The following OSBPL10 variants were observed in gnomAD, a reference collection of about 807,000 sequenced individuals.
OSBPL10 encodes the protein oxysterol binding protein like 10.
Under a neutral mutation model 81.7 loss-of-function variants are expected in OSBPL10, and 49 were observed. That is an observed-to-expected ratio of 0.60 (90% CI 0.48 to 0.76). OSBPL10 has a LOEUF of 0.76. Ranked by LOEUF, OSBPL10 falls within the 30% of genes least tolerant of loss-of-function variation. The pLI, the probability that OSBPL10 is intolerant of heterozygous loss-of-function variation, is 0.00. For synonymous variants in OSBPL10, 419 were observed against 383.6 expected (o/e 1.09, Z -1.08); for missense variants, 923 against 987.8 (o/e 0.93, Z 0.88).
intron 4 of OSBPL10, among the ~76,000 whole-genome samples, chr3:31,801,251 G>A (rs529603798): frequency 1.3e-5 from 2 of 152,120 alleles, no homozygotes; most frequent in African/African-American, 2.4e-5. Context: ...TCCATGATAT[G>A]GTGACATACT....
At chr3:31,965,216 A>G (rs1698284773) in intron 1 of OSBPL10, among the ~76,000 whole-genome samples, 1 of 150,602 alleles carries the variant, frequency 6.6e-6, no homozygotes, top group Admixed American at 6.7e-5. Context: ...AAAAATACAA[A>G]AAAATTAGCC....
chr3:31,740,557 T>C (rs1362668265), intron 5 of OSBPL10, among the ~76,000 whole-genome samples: 1 of 149,584 alleles, frequency 6.7e-6, no homozygotes, highest in Non-Finnish European at 1.5e-5. Flanking sequence ...AAGAAAAGAT[T>C]CAAAAAGTAT....
intron 6 of OSBPL10, among the ~76,000 whole-genome samples, chr3:31,727,751 A>G (rs753840105): frequency 4.6e-5 from 7 of 152,222 alleles, no homozygotes; most frequent in Non-Finnish European, 8.8e-5. Flanking sequence ...AACCTTGTTC[A>G]TCTCTAAAAA....
chr3:31,908,238 T>G (rs941554327), intron 1 of OSBPL10, among the ~76,000 whole-genome samples: 8 of 152,008 alleles, frequency 5.3e-5, no homozygotes, highest in African/African-American at 1.7e-4. Flanking sequence ...TGATAGGGAC[T>G]GGGGGGTTGA....
At chr3:31,981,340 G>T, upstream of OSBPL10, 1 of 1,210,408 alleles carries the variant, frequency 8.3e-7, no homozygotes, top group South Asian at 3.2e-5. This position sits in a 1 kb window ranked among gnomAD's most constrained non-coding sequence, Gnocchi z 4.5. Flanking sequence ...AGGAGGCGAA[G>T]GAGAGCTGGG....
intron 4 of OSBPL10, among the ~76,000 whole-genome samples, chr3:31,756,217 C>T (rs957980789): frequency 1.1e-4 from 16 of 152,316 alleles, no homozygotes; most frequent in African/African-American, 3.8e-4. Context: ...GCGCCCTTTA[C>T]ACTCTGACAC....
At chr3:31,665,458 C>T (rs143625030) in intron 10 of OSBPL10, among the ~76,000 whole-genome samples, 2 of 152,228 alleles carry the variant, frequency 1.3e-5, no homozygotes, top group East Asian at 3.9e-4. Flanking sequence ...AGCAAGGGCT[C>T]AGAGCAGCAG....
intron 1 of OSBPL10, among the ~76,000 whole-genome samples, chr3:32,060,926 T>G (rs1211604944): frequency 2.8e-5 from 2 of 72,430 alleles, no homozygotes; most frequent in Non-Finnish European, 7.2e-5. Context: ...TGAGCCGAGA[T>G]CACACCATTG....
chr3:31,917,562 G>GAA (rs1696794494), intron 1 of OSBPL10, among the ~76,000 whole-genome samples: 4 of 75,654 alleles, frequency 5.3e-5, no homozygotes, highest in African/African-American at 2.3e-4. Context: ...ACCAGCTTTT[G>GAA]AGAGTCTCTC....
At chr3:31,726,946 G>T (rs111315659) in intron 6 of OSBPL10, among the ~76,000 whole-genome samples, 14,699 of 151,138 alleles carry the variant, frequency 0.097, 1,757 homozygotes, top group African/African-American at 0.29. Context: ...CAGGCTCAAG[G>T]AATCCTCTCA....
intron 3 of OSBPL10, among the ~76,000 whole-genome samples, chr3:31,866,658 A>C (rs1701190399): frequency 6.6e-6 from 1 of 152,116 alleles, no homozygotes; most frequent in Non-Finnish European, 1.5e-5. Flanking sequence ...GGTGTCAGCT[A>C]TCATTGGAAG....
intron 1 of OSBPL10, among the ~76,000 whole-genome samples, chr3:31,946,937 G>A (rs961298922): frequency 1.3e-5 from 2 of 152,184 alleles, no homozygotes; most frequent in South Asian, 2.1e-4. Context: ...TCGAAACAAA[G>A]ACAAGGGCAG....
intron 1 of OSBPL10, among the ~76,000 whole-genome samples, chr3:31,932,731 G>T (rs775536818): frequency 1.8e-4 from 28 of 151,652 alleles, no homozygotes; most frequent in Non-Finnish European, 1.5e-5. Context: ...GTCAGCAAGA[G>T]AATCAAAAAT....
At chr3:31,854,072 C>T (rs61700830) in intron 3 of OSBPL10, among the ~76,000 whole-genome samples, 2,408 of 151,866 alleles carry the variant, frequency 0.016, 52 homozygotes, top group African/African-American at 0.055. Flanking sequence ...GTTCATCTAT[C>T]TGTATAAAAT....
chr3:31,704,748 A>G (rs1696006504), intron 6 of OSBPL10: 1 of 152,114 alleles, frequency 6.6e-6, no homozygotes, highest in Admixed American at 6.5e-5. Flanking sequence ...GGAAATCCTC[A>G]TCTTTCCCAC....
At chr3:32,010,045 T>C (rs1343542764) in intron 2 of OSBPL10, among the ~76,000 whole-genome samples, 1 of 152,142 alleles carries the variant, frequency 6.6e-6, no homozygotes, top group African/African-American at 2.4e-5. Context: ...AATGAAGTTG[T>C]AACGGTAGGG....
chr3:31,925,794 T>C (rs892051593), intron 1 of OSBPL10, among the ~76,000 whole-genome samples: 8 of 151,962 alleles, frequency 5.3e-5, no homozygotes, highest in Admixed American at 1.3e-4. Flanking sequence ...GCCTGGGCAA[T>C]AGAGCAAGAC....
chr3:31,997,688 G>A (rs1238066496), intron 2 of OSBPL10, among the ~76,000 whole-genome samples: 2 of 151,906 alleles, frequency 1.3e-5, no homozygotes, highest in Admixed American at 6.6e-5. Context: ...TTCATCAAGC[G>A]AACATCTGGA....
chr3:31,777,384 TC>T (rs1462420859), intron 4 of OSBPL10, among the ~76,000 whole-genome samples: 1 of 152,140 alleles, frequency 6.6e-6, no homozygotes, highest in East Asian at 1.9e-4. Flanking sequence ...CTCGCTATTG[TC>T]CCCCTAGCCT....
Sources: allele counts gnomAD v4.1 joint callset (sites outside exome capture counted in the v4.1 genomes callset), GRCh38; gene constraint gnomAD v4.1.1; non-coding constraint Gnocchi (gnomAD v3.1); transcripts MANE v1.5; gene names NCBI Gene and HGNC (gene_info 2026-07-23, HGNC 2026-07-21).